The following CACNB2 variants were observed in gnomAD, a reference collection of about 807,000 sequenced individuals.
CACNB2 encodes calcium voltage-gated channel auxiliary subunit beta 2, also known as voltage-dependent L-type calcium channel subunit beta-2.
A neutral mutation model predicts 73.3 loss-of-function variants in CACNB2; 42 were observed. The observed-to-expected ratio is 0.57, with a 90% CI of 0.45 to 0.74. CACNB2 has a LOEUF of 0.74. Ranked by LOEUF, CACNB2 falls within the 30% of genes least tolerant of loss-of-function variation. CACNB2 has a pLI of 0.00. For synonymous variants in CACNB2, 348 were observed against 310.3 expected, an observed-to-expected ratio of 1.12 and a Z score of -1.28; for missense variants, 940 against 853.0, an observed-to-expected ratio of 1.10 and a Z score of -1.27.
At chr10:18,288,078 A>T (rs1393076960) in intron 2 of CACNB2, among the ~76,000 whole-genome samples, 1 of 152,148 alleles carries the variant, frequency 6.6e-6, no homozygotes, top group Admixed American at 6.5e-5. Flanking sequence ...TCCTCTTTTT[A>T]TAAGGACACC....
At chr10:18,522,356 G>A (rs901133591) in intron 9 of CACNB2, among the ~76,000 whole-genome samples, 1 of 152,006 alleles carries the variant, frequency 6.6e-6, no homozygotes, top group Non-Finnish European at 1.5e-5. Context: ...CTACCAAACC[G>A]GTCCACGGAA....
At chr10:18,460,905 T>C (rs2047539115) in intron 3 of CACNB2, among the ~76,000 whole-genome samples, 1 of 139,136 alleles carries the variant, frequency 7.2e-6, no homozygotes, top group African/African-American at 2.7e-5. Context: ...AAAAAAAAAA[T>C]CCACTTTTTG....
chr10:18,270,359 G>C (rs536609491), intron 2 of CACNB2, among the ~76,000 whole-genome samples: 1 of 152,020 alleles, frequency 6.6e-6, no homozygotes, highest in Non-Finnish European at 1.5e-5. Context: ...ATTTGGGTGG[G>C]GACAAAGCCA....
At chr10:18,319,787 G>T (rs568034994) in intron 2 of CACNB2, among the ~76,000 whole-genome samples, 1 of 152,262 alleles carries the variant, frequency 6.6e-6, no homozygotes, top group Admixed American at 6.5e-5. Flanking sequence ...CTCTAATGAG[G>T]TGACCTTTGA....
At chr10:18,490,078 A>C (rs577579404) in intron 3 of CACNB2, among the ~76,000 whole-genome samples, 1 of 152,090 alleles carries the variant, frequency 6.6e-6, no homozygotes, top group Non-Finnish European at 1.5e-5. Context: ...GAGTTTCACC[A>C]TGTTGCCCTG....
chr10:18,226,269 C>A (rs985100972), intron 2 of CACNB2, among the ~76,000 whole-genome samples: 2 of 152,136 alleles, frequency 1.3e-5, no homozygotes, highest in African/African-American at 4.8e-5. Context: ...TCAAGTGATC[C>A]ATTCACCTCA....
At chr10:18,503,862 T>C (rs2050343094) in intron 5 of CACNB2, among the ~76,000 whole-genome samples, 1 of 152,212 alleles carries the variant, frequency 6.6e-6, no homozygotes, top group African/African-American at 2.4e-5. Context: ...AATGTCATCA[T>C]GTACACTGTG....
At chr10:18,496,836 G>T (rs1589547140) in intron 3 of CACNB2, among the ~76,000 whole-genome samples, 1 of 139,354 alleles carries the variant, frequency 7.2e-6, no homozygotes, top group African/African-American at 2.8e-5. Flanking sequence ...AAAAAAAAAG[G>T]AAAAAAAGAA....
rs562175725 is a variant in CACNB2 at position 18,245,932 on chromosome 10, G to A, written c.213+94957G>A. On this transcript the variant is annotated intron_variant, in intron 2 of 13. Transcript: ENST00000324631. The stretch of plus-strand genomic sequence containing the variant: ...GTTGGGAAGCAATCGATGGGCATCA[G>A]TGGGTAGGTGCTGGGGAAGGAGTGA... Among the ~76,000 whole-genome samples, 9 of 152,318 alleles carry A rather than the reference G, an allele frequency of 5.9e-5. 1 individual carries two copies. The South Asian group carries it at 1.9e-3, about 32-fold the overall frequency.
At chr10:18,485,773 G>C (rs1413165240) in intron 3 of CACNB2, among the ~76,000 whole-genome samples, 1 of 151,628 alleles carries the variant, frequency 6.6e-6, no homozygotes, top group Non-Finnish European at 1.5e-5. Context: ...TACTAAAGTA[G>C]GTTTTCACCA....
At chr10:18,305,852 A>G (rs945668440) in intron 2 of CACNB2, among the ~76,000 whole-genome samples, 2 of 152,088 alleles carry the variant, frequency 1.3e-5, no homozygotes, top group African/African-American at 2.4e-5. Flanking sequence ...TATAAAAATG[A>G]TAAGTGTTGG....
At chr10:18,331,414 A>G (rs1564442852) in intron 2 of CACNB2, among the ~76,000 whole-genome samples, 1 of 150,878 alleles carries the variant, frequency 6.6e-6, no homozygotes, top group Non-Finnish European at 1.5e-5. Context: ...TGTTTGCGTC[A>G]TTGCAGTCTA....
intron 2 of CACNB2, among the ~76,000 whole-genome samples, chr10:18,157,403 AG>A (rs2032139066): frequency 6.6e-6 from 1 of 152,224 alleles, no homozygotes; most frequent in Non-Finnish European, 1.5e-5. Context: ...CCTCAAAATT[AG>A]GTGTAAGGAT....
At chr10:18,343,320 T>A (rs1169121181) in intron 2 of CACNB2, among the ~76,000 whole-genome samples, 1 of 152,110 alleles carries the variant, frequency 6.6e-6, no homozygotes, top group Non-Finnish European at 1.5e-5. Flanking sequence ...TTTTTTTTTA[T>A]TATTATTGTT....
At chr10:18,152,229 T>C (rs1417942087) in intron 2 of CACNB2, among the ~76,000 whole-genome samples, 1 of 152,166 alleles carries the variant, frequency 6.6e-6, no homozygotes, top group Non-Finnish European at 1.5e-5. Flanking sequence ...AGTCCCCGCT[T>C]GCAACATTTG....
intron 2 of CACNB2, among the ~76,000 whole-genome samples, chr10:18,305,906 T>C (rs2039708909): frequency 6.6e-6 from 1 of 152,088 alleles, no homozygotes. Flanking sequence ...AGTTGGAGGC[T>C]GCAGTGAGCT....
intron 2 of CACNB2, among the ~76,000 whole-genome samples, chr10:18,217,976 C>T (rs752369520): frequency 6.6e-6 from 1 of 152,072 alleles, no homozygotes. Flanking sequence ...AGGAAGAGCC[C>T]CTTGTGTCTT....
At chr10:18,354,320 C>G (rs934200024) in intron 2 of CACNB2, among the ~76,000 whole-genome samples, 1 of 152,138 alleles carries the variant, frequency 6.6e-6, no homozygotes, top group African/African-American at 2.4e-5. Flanking sequence ...TGGGAAGAGT[C>G]TCCTTGGTGA....
intron 3 of CACNB2, among the ~76,000 whole-genome samples, chr10:18,489,629 C>T (rs946426504): frequency 1.3e-5 from 2 of 151,942 alleles, no homozygotes; most frequent in Non-Finnish European, 2.9e-5. Context: ...ACAATTGTAG[C>T]TGGGGTTAAA....
Sources: gnomAD v4.1 joint callset for allele counts (sites outside exome capture counted in the v4.1 genomes callset) on GRCh38, gnomAD v4.1.1 for gene constraint, MANE v1.5 for transcripts, NCBI Gene and HGNC (gene_info 2026-07-23, HGNC 2026-07-21) for gene names.